Variants in TECPR2 observed in about 807,000 individuals in gnomAD.
TECPR2 encodes tectonin beta-propeller repeat containing 2.
TECPR2 carries 65 observed loss-of-function variants against 138.1 expected under a neutral mutation model. That is an observed-to-expected ratio of 0.47 (90% CI 0.39 to 0.58). TECPR2 has a LOEUF of 0.58. Ranked by LOEUF, TECPR2 falls within the 20% of genes least tolerant of loss-of-function variation. The probability of loss-of-function intolerance (pLI) is 0.00; values close to 1 mark genes in which losing one functional copy is unlikely to be tolerated. For missense variants in TECPR2, 1,553 were observed against 1,824.5 expected (o/e 0.85, Z 2.71); for synonymous variants, 746 against 749.8 (o/e 0.99, Z 0.08).
intron 17 of TECPR2, among the ~76,000 whole-genome samples, chr14:102,479,940 G>A (rs563279430): frequency 1.2e-3 from 178 of 152,346 alleles, no homozygotes; most frequent in African/African-American, 4.0e-3. Context: ...CTGGAGCCCT[G>A]CCAGCCAGGA....
intron 4 of TECPR2, among the ~76,000 whole-genome samples, 153 bp from the exon 5 acceptor site, chr14:102,414,483 T>C (rs1040411119): frequency 2.6e-5 from 4 of 152,222 alleles, no homozygotes; most frequent in East Asian, 1.9e-4. Context: ...CTATGGTGGG[T>C]TGAGAGTGAA....
intron 16 of TECPR2, among the ~76,000 whole-genome samples, chr14:102,453,776 TG>T (rs1490889164): frequency 6.8e-6 from 1 of 147,682 alleles, no homozygotes; most frequent in African/African-American, 2.5e-5. Flanking sequence ...AGACTTGAAT[TG>T]TATAAGCATT....
At chr14:102,421,401 A>T (rs146283100) in intron 5 of TECPR2, among the ~76,000 whole-genome samples, 1 of 152,374 alleles carries the variant, frequency 6.6e-6, no homozygotes, top group East Asian at 1.9e-4. Context: ...TCAAAGCTGA[A>T]TTTGATATAT....
At chr14:102,472,768 A>G (rs181155053) in intron 17 of TECPR2, among the ~76,000 whole-genome samples, 1 of 152,314 alleles carries the variant, frequency 6.6e-6, no homozygotes, top group African/African-American at 2.4e-5. Context: ...GAAATCTGTT[A>G]CCCAGAACAG....
chr14:102,408,478 T>A lies in TECPR2; in HGVS notation c.349-10T>A. Reference sequence around the variant, plus strand: ...TTTTTCTTGTGTATATTTTTATCCCTTGTTCATAGCTTCGGAGATTTGATG... The same window carrying A: ...TTTTTCTTGTGTATATTTTTATCCCATGTTCATAGCTTCGGAGATTTGATG... On this transcript the variant is annotated splice_polypyrimidine_tract_variant and intron_variant, in intron 3 of 19. Transcript: ENST00000359520. The A allele has an allele frequency of 8.8e-6, 14 of 1,595,218 alleles. No individual in the cohort carries two copies. The highest frequency in any genetic ancestry group is 1.2e-5 in the Non-Finnish European group (14 of 1,175,126).
At chr14:102,451,554 T>C (rs1890140080) in intron 15 of TECPR2, among the ~76,000 whole-genome samples, 1 of 152,068 alleles carries the variant, frequency 6.6e-6, no homozygotes, top group South Asian at 2.1e-4. Context: ...CCTTGGTTGA[T>C]CTGTTGGCTG....
chr14:102,436,918 G>C, intron 9 of TECPR2: 1 of 878,856 alleles, frequency 1.1e-6, no homozygotes, highest in South Asian at 5.2e-5. Context: ...GGTGGGGTGG[G>C]GTATTGGAAT....
chr14:102,408,500 G>C lies in TECPR2; in HGVS notation c.361G>C (p.Asp121His), dbSNP rs1484834472. 6.2e-7 allele frequency: 1 copy of C among 1,602,600 alleles called. No individual in the cohort carries two copies. The change falls in exon 4 of 20, where the codon GAT becomes CAT. Residue 121 changes from aspartate to histidine, a missense_variant. Asp to His is a moderately conservative substitution (Grantham distance 81). Transcript: ENST00000359520. ...PGRNKQLRRF[D>H]VTGIHKNSIT... ...CCCTTGTTCATAGCTTCGGAGATTT[G>C]ATGTCACTGGTATTCACAAAAATAG...
intron 5 of TECPR2, 85 bp from the exon 6 acceptor site, chr14:102,424,894 A>T: frequency 7.5e-7 from 1 of 1,335,070 alleles, no homozygotes. Context: ...TTCTTGTTGT[A>T]CTTAATATTA....
chr14:102,372,914 A>C (rs1465191400), intron 1 of TECPR2, among the ~76,000 whole-genome samples: 2 of 148,526 alleles, frequency 1.3e-5, no homozygotes, highest in African/African-American at 5.0e-5. Context: ...AGCAAGTCTC[A>C]AAAAAAAAAG....
chr14:102,381,963 T>C (rs1459638233), intron 2 of TECPR2, among the ~76,000 whole-genome samples: 1 of 152,204 alleles, frequency 6.6e-6, no homozygotes, highest in Non-Finnish European at 1.5e-5. Context: ...ACATTCTTCT[T>C]GAAGAGGTAC....
At position 102,426,687 on chromosome 14, in the gene TECPR2, C is replaced by T. The variant is rs893652678; in HGVS notation, c.951+1396C>T. ...CAGCCTGGCCAACATGGTGAAACTCCGTCTCTACTAAAAATACAAAAATTA... is the reference window on the plus strand; with the variant it reads ...CAGCCTGGCCAACATGGTGAAACTCTGTCTCTACTAAAAATACAAAAATTA... On this transcript the variant is annotated intron_variant, in intron 6 of 19. Transcript: ENST00000359520. 2.0e-5 allele frequency among the ~76,000 whole-genome samples: 3 copies of T among 152,138 alleles called. No homozygotes were observed. In the South Asian group the frequency reaches 6.2e-4, roughly 32 times the overall value.
intron 2 of TECPR2, among the ~76,000 whole-genome samples, chr14:102,392,724 G>A (rs1888210072): frequency 6.6e-6 from 1 of 152,116 alleles, no homozygotes; most frequent in Non-Finnish European, 1.5e-5. Context: ...CCTAATGTAT[G>A]AGAACCCTGG....
chr14:102,482,972 T>A (rs530155895), intron 17 of TECPR2, among the ~76,000 whole-genome samples: 1 of 150,882 alleles, frequency 6.6e-6, no homozygotes, highest in Admixed American at 6.6e-5. Flanking sequence ...GCCTCCCGAG[T>A]AGCTGGGACT....
At position 102,438,161 on chromosome 14, in the gene TECPR2, A is replaced by G. The variant is rs1003675797; in HGVS notation, c.2534A>G (p.Gln845Arg). The change falls in exon 10 of 20, where the codon CAG (glutamine) becomes CGG (arginine). Residue 845 changes from glutamine (Q) to arginine (R), a missense_variant. Gln to Arg is a conservative substitution (Grantham distance 43, BLOSUM62 1). Coordinates refer to ENST00000359520, the MANE Select transcript of TECPR2 (RefSeq NM_014844.5). Reference protein sequence around the residue: ...SALPGAGLRWQKFEDAVQQVA... With the variant: ...SALPGAGLRWRKFEDAVQQVA... The stretch of plus-strand genomic sequence containing the variant: ...TTGCCGGGCGCCGGGCTGCGCTGGC[A>G]GAAGTTTGAAGATGCTGTCCAGCAG... 2 of 1,612,754 alleles carry G rather than the reference A, an allele frequency of 1.2e-6. No homozygotes were observed. The highest frequency in any genetic ancestry group is 2.7e-5 in the African/African-American group (2 of 74,898).
chr14:102,430,129 G>A (rs1889428587), intron 7 of TECPR2, among the ~76,000 whole-genome samples: 1 of 152,052 alleles, frequency 6.6e-6, no homozygotes, highest in Non-Finnish European at 1.5e-5. Context: ...ACCACACCAG[G>A]CTAATATTTT....
intron 2 of TECPR2, among the ~76,000 whole-genome samples, chr14:102,386,270 G>C (rs1368352174): frequency 6.6e-6 from 1 of 152,078 alleles, no homozygotes; most frequent in East Asian, 1.9e-4. Context: ...AGGAGTTTGA[G>C]AGCAGCCTGA....
chr14:102,493,392 C>A (rs1264708954), intron 17 of TECPR2, among the ~76,000 whole-genome samples: 1 of 152,236 alleles, frequency 6.6e-6, no homozygotes, highest in Non-Finnish European at 1.5e-5. Flanking sequence ...GTGGCCTCAG[C>A]CTCGGCCTCA....
intron 17 of TECPR2, among the ~76,000 whole-genome samples, chr14:102,493,300 G>A (rs1891197772): frequency 6.6e-6 from 1 of 152,234 alleles, no homozygotes; most frequent in South Asian, 2.1e-4. Context: ...GCGAGGCCTG[G>A]GCCGCTTTTC....
Sources: allele counts gnomAD v4.1 joint callset (sites outside exome capture counted in the v4.1 genomes callset), GRCh38; gene constraint gnomAD v4.1.1; transcripts MANE v1.5; gene names NCBI Gene and HGNC (gene_info 2026-07-23, HGNC 2026-07-21).